PTPRN2: variants seen among roughly 807,000 people sequenced by gnomAD.
The protein encoded by PTPRN2 is protein tyrosine phosphatase receptor type N2.
Under a neutral mutation model 118.8 loss-of-function variants are expected in PTPRN2, and 74 were observed. That is an observed-to-expected ratio of 0.62 (90% confidence interval 0.52 to 0.76). The LOEUF (loss-of-function observed/expected upper bound fraction) is 0.76, where lower values mean the gene tolerates loss of function less well. Among genes scored for constraint, PTPRN2 ranks in the 30% least tolerant of loss-of-function variants. PTPRN2 has a pLI of 0.00. For synonymous variants in PTPRN2, 641 were observed against 608.0 expected (o/e 1.05, Z -0.80); for missense variants, 1,481 against 1,394.4 (o/e 1.06, Z -0.99).
At chr7:158,409,728 C>T (rs185868496) in intron 2 of PTPRN2, among the ~76,000 whole-genome samples, 2 of 152,250 alleles carry the variant, frequency 1.3e-5, no homozygotes, top group South Asian at 2.1e-4. Flanking sequence ...GTAGGGATCG[C>T]GCAGGCCCCC....
At chr7:157,725,542 G>A (rs1421434224) in intron 12 of PTPRN2, among the ~76,000 whole-genome samples, 3 of 121,314 alleles carry the variant, frequency 2.5e-5, no homozygotes, top group East Asian at 2.3e-4. Context: ...CCTCCCAGGA[G>A]AACTGGATAT....
rs149953562 is a variant in PTPRN2 at position 158,585,853 on chromosome 7, TC to T, written c.112+1704del. 2.8e-3 allele frequency among the ~76,000 whole-genome samples: 422 copies of T among 152,272 alleles called. 3 individuals are homozygous for T. Among genetic ancestry groups the T allele is most frequent in the African/African-American group, 9.6e-3 (398 of 41,552 alleles). ...TGTAGGTGAAGGGCGGCACCTGGCC[TC>T]AGAGCAAACAACTCTCCCATAAGGT... On this transcript the variant is annotated intron_variant, in intron 1 of 22. Coordinates refer to ENST00000389418, the MANE Select transcript of PTPRN2 (RefSeq NM_002847.5).
intron 6 of PTPRN2, among the ~76,000 whole-genome samples, chr7:158,162,646 C>CACGTCACCTGTTGTCCTGT (rs1822462819): frequency 1.3e-5 from 2 of 151,572 alleles, no homozygotes; most frequent in African/African-American, 4.9e-5. Flanking sequence ...CCGGCCACTG[C>CACGTCACCTGTTGTCCTGT]ACGTCACCTG....
chr7:158,559,348 T>C (rs1016867876), intron 1 of PTPRN2, among the ~76,000 whole-genome samples: 20 of 152,360 alleles, frequency 1.3e-4, no homozygotes, highest in African/African-American at 4.8e-4. Flanking sequence ...TATGAGGTCA[T>C]ACCATATGTA....
intron 2 of PTPRN2, among the ~76,000 whole-genome samples, chr7:158,444,585 A>AC (rs1157135654): frequency 6.6e-6 from 1 of 152,026 alleles, no homozygotes; most frequent in African/African-American, 2.4e-5. Context: ...CAGCACCAAG[A>AC]CCCCCCTAGA....
At chr7:158,111,637 A>C (rs542460276) in intron 9 of PTPRN2, among the ~76,000 whole-genome samples, 15 of 152,348 alleles carry the variant, frequency 9.8e-5, no homozygotes, top group African/African-American at 3.4e-4. Context: ...TCACCCCAGC[A>C]GACCAAAACG....
chr7:157,815,848 G>A (rs1806362943), intron 12 of PTPRN2, among the ~76,000 whole-genome samples: 1 of 152,240 alleles, frequency 6.6e-6, no homozygotes, highest in South Asian at 2.1e-4. Context: ...TGCACACTCT[G>A]CACACGCTCA....
intron 1 of PTPRN2, among the ~76,000 whole-genome samples, chr7:158,560,143 G>A: frequency 6.6e-6 from 1 of 152,224 alleles, no homozygotes; most frequent in Non-Finnish European, 1.5e-5. Context: ...GGCCACCCAT[G>A]GTGTAGCACG....
At chr7:157,642,835 A>AAAAAC in intron 14 of PTPRN2, among the ~76,000 whole-genome samples, 1 of 145,886 alleles carries the variant, frequency 6.9e-6, no homozygotes, top group Non-Finnish European at 1.5e-5. Flanking sequence ...AAAAAAAAAA[A>AAAAAC]AAAAAAAAAG....
At chr7:157,916,684 TAGG>T (rs1217564902) in intron 11 of PTPRN2, among the ~76,000 whole-genome samples, 1 of 152,154 alleles carries the variant, frequency 6.6e-6, no homozygotes, top group Non-Finnish European at 1.5e-5. Context: ...AGGAGATGCT[TAGG>T]AGCCCCCAGG....
chr7:157,834,900 A>G (rs1266741375), intron 12 of PTPRN2, among the ~76,000 whole-genome samples: 1 of 152,228 alleles, frequency 6.6e-6, no homozygotes, highest in East Asian at 1.9e-4. Flanking sequence ...ATTTTCCTGC[A>G]GCTGTGAACA....
At chr7:158,329,437 T>C (rs1288575009) in intron 2 of PTPRN2, among the ~76,000 whole-genome samples, 4 of 152,190 alleles carry the variant, frequency 2.6e-5, no homozygotes, top group Non-Finnish European at 4.4e-5. Flanking sequence ...GTGCTGCTGT[T>C]AGCAGGCGGA....
chr7:157,650,227 G>C (rs547036082), intron 14 of PTPRN2, among the ~76,000 whole-genome samples: 31 of 152,284 alleles, frequency 2.0e-4, no homozygotes, highest in African/African-American at 7.0e-4. Context: ...TGGCGTGAAG[G>C]CTTCCCAAAC....
intron 11 of PTPRN2, among the ~76,000 whole-genome samples, chr7:157,939,217 G>A (rs548207464): frequency 4.6e-5 from 7 of 152,290 alleles, no homozygotes; most frequent in African/African-American, 1.7e-4. Context: ...AAAGCACGCA[G>A]GTCCCCACCT....
At position 157,833,016 on chromosome 7, in the gene PTPRN2, C is replaced by T. The variant is rs868660009; in HGVS notation, c.1788+65657G>A. Among the ~76,000 whole-genome samples the T allele has an allele frequency of 3.6e-4, 54 of 149,686 alleles. 1 individual carries two copies. The Middle Eastern group carries it at 0.014, about 40-fold the overall frequency. On this transcript the variant is annotated intron_variant, in intron 12 of 22. Coordinates refer to ENST00000389418, the MANE Select transcript of PTPRN2 (RefSeq NM_002847.5). ...AACTCGTCCAGGAGCGAGATGTGGC[C>T]GGTGCCCATCCATCCTGTATGATGG...
At chr7:158,271,366 G>A (rs1415914367) in intron 3 of PTPRN2, among the ~76,000 whole-genome samples, 1 of 152,204 alleles carries the variant, frequency 6.6e-6, no homozygotes, top group Non-Finnish European at 1.5e-5. Flanking sequence ...TACTGTTGAA[G>A]CTGGACTAGC....
intron 2 of PTPRN2, among the ~76,000 whole-genome samples, chr7:158,331,149 T>A (rs1453501143): frequency 7.6e-6 from 1 of 132,072 alleles, no homozygotes; most frequent in Non-Finnish European, 1.6e-5. Context: ...CCCGCAGACG[T>A]CACTCACACC....
chr7:158,287,654 T>C (rs564167700), intron 3 of PTPRN2, among the ~76,000 whole-genome samples: 1 of 152,270 alleles, frequency 6.6e-6, no homozygotes, highest in South Asian at 2.1e-4. Flanking sequence ...TATTAATTTC[T>C]AGTCTCATAC....
At chr7:158,136,243 C>T (rs943208737) in intron 8 of PTPRN2, among the ~76,000 whole-genome samples, 2 of 152,184 alleles carry the variant, frequency 1.3e-5, no homozygotes, top group African/African-American at 4.8e-5. Flanking sequence ...TAGATGGCCA[C>T]ATGTGGCCAG....
Sources: allele counts gnomAD v4.1 joint callset (sites outside exome capture counted in the v4.1 genomes callset), GRCh38; gene constraint gnomAD v4.1.1; transcripts MANE v1.5; gene names NCBI Gene and HGNC (gene_info 2026-07-23, HGNC 2026-07-21).